The following MICU3 variants were observed in gnomAD, a reference collection of about 807,000 sequenced individuals.
The protein encoded by MICU3 is mitochondrial calcium uptake 3.
A neutral mutation model predicts 66.5 loss-of-function variants in MICU3; 62 were observed. The ratio of observed to expected loss-of-function variants is 0.93; its 90% CI spans 0.76 to 1.15. The LOEUF (loss-of-function observed/expected upper bound fraction) is 1.15, where lower values mean the gene tolerates loss of function less well. Ranked by LOEUF, MICU3 falls within the 50% of genes most tolerant of loss-of-function variation. MICU3 has a pLI of 0.00. For synonymous variants in MICU3, 308 were observed against 240.7 expected, an observed-to-expected ratio of 1.28 and a Z score of -2.59; for missense variants, 779 against 664.4, an observed-to-expected ratio of 1.17 and a Z score of -1.90.
At chr8:17,072,361 C>G (rs1318604039) in intron 3 of MICU3, among the ~76,000 whole-genome samples, 1 of 151,612 alleles carries the variant, frequency 6.6e-6, no homozygotes, top group East Asian at 1.9e-4. Context: ...CTCAGATTTA[C>G]TACCATATAC....
intron 3 of MICU3, among the ~76,000 whole-genome samples, chr8:17,071,615 G>C (rs1819599775): frequency 6.6e-6 from 1 of 152,010 alleles, no homozygotes; most frequent in Non-Finnish European, 1.5e-5. Flanking sequence ...AAAAAGAAGA[G>C]GCTCTAAGGA....
At chr8:17,065,847 T>C (rs1275050470) in intron 2 of MICU3, among the ~76,000 whole-genome samples, 1 of 152,124 alleles carries the variant, frequency 6.6e-6, no homozygotes, top group Non-Finnish European at 1.5e-5. Context: ...AGAAAGGAAC[T>C]GAAAGGTAGC....
downstream of MICU3, among the ~76,000 whole-genome samples, chr8:17,123,995 G>A (rs527414359): frequency 2.7e-5 from 4 of 148,422 alleles, no homozygotes; most frequent in East Asian, 5.9e-4. Flanking sequence ...CTTCTCAGAG[G>A]CAATCACTTT....
At chr8:17,133,739 C>G in the MICU3 span, among the ~76,000 whole-genome samples, 1 of 152,130 alleles carries the variant, frequency 6.6e-6, no homozygotes, top group African/African-American at 2.4e-5. Context: ...TTATCCAGCA[C>G]TATTTATGGA....
At chr8:17,061,612 A>G (rs1451146293) in intron 1 of MICU3, among the ~76,000 whole-genome samples, 1 of 152,134 alleles carries the variant, frequency 6.6e-6, no homozygotes, top group Non-Finnish European at 1.5e-5. Flanking sequence ...CTGCAGAAAC[A>G]GTGGGAGCTC....
the MICU3 span, among the ~76,000 whole-genome samples, chr8:17,134,742 C>T: frequency 9.9e-5 from 15 of 151,970 alleles, no homozygotes; most frequent in African/African-American, 3.1e-4. Flanking sequence ...CCACACTGGC[C>T]GAAAGTCAGC....
At chr8:17,110,736 T>TGG (rs1802120678) in intron 11 of MICU3, among the ~76,000 whole-genome samples, 1 of 145,004 alleles carries the variant, frequency 6.9e-6, no homozygotes, top group East Asian at 2.5e-4. Flanking sequence ...GCAATTTTTT[T>TGG]GGGGAGGGGG....
the MICU3 span, among the ~76,000 whole-genome samples, chr8:17,128,229 T>TAC: frequency 0.063 from 9,092 of 144,468 alleles, 269 homozygotes; most frequent in Middle Eastern, 0.089. Context: ...GAGATCAGTG[T>TAC]ACACACACAC....
intron 11 of MICU3, 74 bp downstream of exon 11, chr8:17,105,658 G>T: frequency 2.5e-6 from 2 of 815,300 alleles, no homozygotes; most frequent in Non-Finnish European, 3.6e-6. Flanking sequence ...TTGCCCTTTT[G>T]TTAGTTCTTT....
intron 11 of MICU3, among the ~76,000 whole-genome samples, chr8:17,111,463 A>G (rs1196931998): frequency 6.6e-6 from 1 of 152,180 alleles, no homozygotes; most frequent in Non-Finnish European, 1.5e-5. Context: ...CTAGGAGTAC[A>G]GTCCCATGCT....
chr8:17,046,604 TG>T (rs1488179423), intron 1 of MICU3, among the ~76,000 whole-genome samples: 2 of 152,008 alleles, frequency 1.3e-5, no homozygotes, highest in African/African-American at 4.8e-5. Context: ...GTGAGTTACT[TG>T]GGGGAGGAGA....
rs769668921 is a variant in MICU3 at position 17,085,242 on chromosome 8, A to C, written c.701A>C (p.His234Pro). 5.6e-6 allele frequency: 9 copies of C among 1,605,152 alleles called. No individual in the cohort carries two copies. The highest frequency in any genetic ancestry group is 7.7e-6 in the Non-Finnish European group (9 of 1,175,430). The change falls in exon 6 of 15, where the codon CAT becomes CCT. Residue 234 changes from histidine (H) to proline (P), a missense_variant. By Grantham distance (77) the His-to-Pro change is moderately conservative (BLOSUM62 -2). Transcript: ENST00000318063. ...TCTCTGTTTTTTCTGGCAGAGCCAC[A>C]TGCAGGGTTCAGAATAGCTTTCAAC... The part of the protein sequence containing the change: ...LFLLCILTKP[H>P]AGFRIAFNMF...
chr8:17,108,636 C>G (rs1801939867), intron 11 of MICU3, among the ~76,000 whole-genome samples: 1 of 152,178 alleles, frequency 6.6e-6, no homozygotes, highest in East Asian at 1.9e-4. Flanking sequence ...TCCTAGCCAC[C>G]TCCACTGCTA....
intron 14 of MICU3, 40 bp from the exon 15 acceptor site, chr8:17,120,248 A>G (rs1249317440): frequency 2.6e-5 from 4 of 152,120 alleles, no homozygotes; most frequent in African/African-American, 9.7e-5. Flanking sequence ...ATTATATCCT[A>G]AATAAATATT....
At chr8:17,042,233 C>T (rs957830126) in intron 1 of MICU3, among the ~76,000 whole-genome samples, 2 of 152,152 alleles carry the variant, frequency 1.3e-5, no homozygotes, top group Admixed American at 6.5e-5. Context: ...ATGCACCAAA[C>T]TTATAATACA....
At chr8:17,032,334 T>C (rs1812221223) in intron 1 of MICU3, among the ~76,000 whole-genome samples, 1 of 152,232 alleles carries the variant, frequency 6.6e-6, no homozygotes, top group South Asian at 2.1e-4. Context: ...TAAAGCACTA[T>C]TTTTATTAGT....
chr8:17,055,000 G>A (rs556451854), intron 1 of MICU3, among the ~76,000 whole-genome samples: 24 of 152,196 alleles, frequency 1.6e-4, no homozygotes, highest in African/African-American at 5.3e-4. Flanking sequence ...GCCTCCTAAA[G>A]TGCTGGGATT....
At chr8:17,096,667 T>C (rs981611354) in intron 8 of MICU3, among the ~76,000 whole-genome samples, 16 of 151,874 alleles carry the variant, frequency 1.1e-4, no homozygotes, top group Non-Finnish European at 7.4e-5. Context: ...TATCCTAGCA[T>C]TGTTTAATCC....
chr8:17,051,373 G>C (rs1207318786), intron 1 of MICU3, among the ~76,000 whole-genome samples: 2 of 152,222 alleles, frequency 1.3e-5, no homozygotes, highest in African/African-American at 4.8e-5. Context: ...GGAAACTAAA[G>C]TGTACCAAGT....
Sources: allele counts gnomAD v4.1 joint callset (sites outside exome capture counted in the v4.1 genomes callset), GRCh38; gene constraint gnomAD v4.1.1; transcripts MANE v1.5; gene names NCBI Gene and HGNC (gene_info 2026-07-23, HGNC 2026-07-21).